HPSE2: variants seen among roughly 807,000 people sequenced by gnomAD.
HPSE2 encodes the protein inactive heparanase-2.
HPSE2 carries 38 observed loss-of-function variants against 60.5 expected under a neutral mutation model. The ratio of observed to expected loss-of-function variants is 0.63; its 90% confidence interval spans 0.48 to 0.82. The LOEUF is 0.82. HPSE2 is among the 40% of genes least tolerant of loss of function. The probability of loss-of-function intolerance (pLI) is 0.00; values close to 1 mark genes in which losing one functional copy is unlikely to be tolerated. For missense variants in HPSE2, 713 were observed against 740.4 expected (o/e 0.96, Z 0.43); for synonymous variants, 295 against 293.2 (o/e 1.01, Z -0.06).
At chr10:99,174,540 C>T (rs1397794468) in intron 2 of HPSE2, among the ~76,000 whole-genome samples, 2 of 152,160 alleles carry the variant, frequency 1.3e-5, no homozygotes, top group Non-Finnish European at 2.9e-5. Flanking sequence ...TACTTGAGAT[C>T]AGCCACTTCA....
chr10:99,208,693 A>AT (rs200521650), intron 2 of HPSE2, among the ~76,000 whole-genome samples: 388 of 150,770 alleles, frequency 2.6e-3, no homozygotes, highest in African/African-American at 7.5e-3. Flanking sequence ...TCAAAAAATA[A>AT]AAATAAAAAA....
intron 5 of HPSE2, among the ~76,000 whole-genome samples, chr10:98,694,829 G>A (rs138281517): frequency 6.6e-6 from 1 of 152,288 alleles, no homozygotes; most frequent in Non-Finnish European, 1.5e-5. Context: ...CATTACCCAG[G>A]CACAGGAAAC....
At chr10:99,082,567 C>T (rs1458193174) in intron 3 of HPSE2, among the ~76,000 whole-genome samples, 1 of 152,166 alleles carries the variant, frequency 6.6e-6, no homozygotes, top group Non-Finnish European at 1.5e-5. Context: ...GCCTCAGCTA[C>T]ATTGTTAGAC....
intron 3 of HPSE2, among the ~76,000 whole-genome samples, chr10:98,750,037 CAGG>C (rs1312556945): frequency 6.7e-6 from 1 of 150,274 alleles, no homozygotes; most frequent in African/African-American, 2.4e-5. Context: ...ATGTGGCTGG[CAGG>C]AGAAGTAAAG....
chr10:99,294,563 A>T, the HPSE2 span, among the ~76,000 whole-genome samples: 91 of 151,098 alleles, frequency 6.0e-4, no homozygotes, highest in Non-Finnish European at 6.5e-4. Flanking sequence ...AGCAATACTC[A>T]TTCTAAGACA....
At chr10:98,662,394 T>C (rs1301532768) in intron 6 of HPSE2, among the ~76,000 whole-genome samples, 1 of 152,240 alleles carries the variant, frequency 6.6e-6, no homozygotes, top group East Asian at 1.9e-4. Flanking sequence ...AATGAGATTA[T>C]GTCCTTTACA....
intron 3 of HPSE2, among the ~76,000 whole-genome samples, chr10:98,745,784 T>C (rs779578474): frequency 6.6e-6 from 1 of 152,200 alleles, no homozygotes; most frequent in South Asian, 2.1e-4. Context: ...GTTATCCTAG[T>C]AGCCGTTAAA....
chr10:99,169,032 A>C (rs554475870), intron 2 of HPSE2, among the ~76,000 whole-genome samples: 32 of 151,606 alleles, frequency 2.1e-4, no homozygotes, highest in Non-Finnish European at 4.4e-4. Context: ...TCAACTAAAA[A>C]AATACAAAAA....
At chr10:99,307,137 G>A in the HPSE2 span, among the ~76,000 whole-genome samples, 2 of 152,166 alleles carry the variant, frequency 1.3e-5, no homozygotes, top group African/African-American at 4.8e-5. Context: ...TTTGCAGTTG[G>A]AGCTGTGCTG....
intron 3 of HPSE2, among the ~76,000 whole-genome samples, chr10:98,815,278 C>T (rs1434607040): frequency 2.0e-5 from 3 of 152,044 alleles, no homozygotes; most frequent in African/African-American, 4.8e-5. Context: ...CAAGACACTA[C>T]CTCGAAAAAA....
At chr10:98,718,082 C>T (rs1369927119) in intron 5 of HPSE2, among the ~76,000 whole-genome samples, 1 of 151,968 alleles carries the variant, frequency 6.6e-6, no homozygotes, top group Non-Finnish European at 1.5e-5. Context: ...TTTTAGGACA[C>T]ACACAAGAAA....
chr10:98,600,909 G>A (rs75511298), intron 9 of HPSE2, among the ~76,000 whole-genome samples: 49,787 of 87,908 alleles, frequency 0.57, 12,623 homozygotes, highest in Non-Finnish European at 0.66. Context: ...ATATGTGTGT[G>A]TGTATATATA....
chr10:99,089,326 A>C (rs1237788733), intron 3 of HPSE2, among the ~76,000 whole-genome samples: 1 of 152,128 alleles, frequency 6.6e-6, no homozygotes, highest in East Asian at 1.9e-4. Flanking sequence ...TAAGCCTTTG[A>C]TTCATCTTGA....
intron 3 of HPSE2, among the ~76,000 whole-genome samples, chr10:99,091,972 C>T (rs1340760703): frequency 1.3e-5 from 2 of 152,148 alleles, no homozygotes; most frequent in Admixed American, 6.5e-5. Context: ...CCTTTCCAAA[C>T]AAATCCTTTT....
chr10:98,541,148 A>G (rs563561202), intron 9 of HPSE2, among the ~76,000 whole-genome samples: 3 of 152,372 alleles, frequency 2.0e-5, no homozygotes, highest in African/African-American at 7.2e-5. Context: ...TTATAATTAA[A>G]AAGGCTTTAA....
intron 3 of HPSE2, among the ~76,000 whole-genome samples, chr10:99,018,683 C>A (rs1009223030): frequency 2.0e-5 from 3 of 152,072 alleles, no homozygotes; most frequent in Non-Finnish European, 4.4e-5. Context: ...TCTGGGAATG[C>A]TCAATATGAC....
chr10:99,219,322 C>T (rs1797888487), intron 2 of HPSE2, among the ~76,000 whole-genome samples: 1 of 152,140 alleles, frequency 6.6e-6, no homozygotes. Context: ...GGATTCAAGT[C>T]CTAAGTCTCC....
chr10:99,084,920 T>C (rs547010589), intron 3 of HPSE2, among the ~76,000 whole-genome samples: 14 of 152,276 alleles, frequency 9.2e-5, no homozygotes, highest in Admixed American at 7.8e-4. Context: ...TATTTTGTAA[T>C]TCTCCCTCTC....
the HPSE2 span, among the ~76,000 whole-genome samples, chr10:99,296,448 C>T: frequency 1.3e-5 from 2 of 152,236 alleles, no homozygotes; most frequent in African/African-American, 4.8e-5. Flanking sequence ...CAAATTTCTG[C>T]ATCAACCACC....
Sources: allele counts gnomAD v4.1 joint callset (sites outside exome capture counted in the v4.1 genomes callset), GRCh38; gene constraint gnomAD v4.1.1; transcripts MANE v1.5; gene names NCBI Gene and HGNC (gene_info 2026-07-23, HGNC 2026-07-21).